Variants in BCAP29 observed in about 807,000 individuals in gnomAD.
The protein encoded by BCAP29 is B-cell receptor-associated protein 29.
Under a neutral mutation model 31.8 loss-of-function variants are expected in BCAP29, and 34 were observed. That is an observed-to-expected ratio of 1.07 (90% CI 0.81 to 1.42). The LOEUF (loss-of-function observed/expected upper bound fraction) is 1.42. BCAP29 is among the 40% of genes most tolerant of loss of function. The probability of loss-of-function intolerance (pLI) is 0.00; values close to 1 mark genes in which losing one functional copy is unlikely to be tolerated. For missense variants in BCAP29, 314 were observed against 269.2 expected (o/e 1.17, Z -1.16); for synonymous variants, 104 against 91.3 (o/e 1.14, Z -0.79).
chr7:107,614,835 C>T (rs1813827122), intron 7 of BCAP29, among the ~76,000 whole-genome samples: 1 of 152,220 alleles, frequency 6.6e-6, no homozygotes, highest in Non-Finnish European at 1.5e-5. Context: ...ACCACCCCTT[C>T]CCCGTCTCAA....
intron 6 of BCAP29, among the ~76,000 whole-genome samples, chr7:107,601,346 G>A (rs1811143582): frequency 6.6e-6 from 1 of 152,064 alleles, no homozygotes; most frequent in Non-Finnish European, 1.5e-5. Flanking sequence ...TTCAATCAGG[G>A]TGTATTTGAA....
intron 3 of BCAP29, among the ~76,000 whole-genome samples, chr7:107,591,657 C>CACACACA (rs1554475285): frequency 4.3e-5 from 3 of 69,710 alleles, no homozygotes; most frequent in Admixed American, 1.8e-4. Context: ...CACACACACA[C>CACACACA]CCTATTGGTT....
intron 7 of BCAP29, 144 bp from the exon 8 acceptor site, chr7:107,618,184 T>C (rs543210684): frequency 1.3e-4 from 72 of 573,476 alleles, no homozygotes; most frequent in Non-Finnish European, 1.6e-4. Context: ...TTTTTAAATT[T>C]TAGACTTTCT....
At chr7:107,589,890 G>A (rs907286546) in intron 3 of BCAP29, among the ~76,000 whole-genome samples, 8 of 152,156 alleles carry the variant, frequency 5.3e-5, no homozygotes, top group Non-Finnish European at 1.0e-4. Flanking sequence ...CTGGCCTCAA[G>A]TGATCCTTCC....
chr7:107,610,305 G>A (rs759940237), intron 6 of BCAP29, among the ~76,000 whole-genome samples: 8 of 152,110 alleles, frequency 5.3e-5, no homozygotes, highest in Admixed American at 2.0e-4. Context: ...ATAGCAGCCC[G>A]TTTTTGCAGT....
rs202114958 is a variant in BCAP29 at position 107,595,922 on chromosome 7, A to G, written c.400A>G (p.Lys134Glu). The G allele has an allele frequency of 2.5e-6, 4 of 1,601,404 alleles. No homozygotes were observed. The highest frequency in any genetic ancestry group is 2.3e-5 in the South Asian group (2 of 88,268). ...TCAACTGGCAAAAGAACTGTCAAACAAAGGTGTACTTAAAACTCAAGCAGA... is the reference window on the plus strand; with the variant it reads ...TCAACTGGCAAAAGAACTGTCAAACGAAGGTGTACTTAAAACTCAAGCAGA... Reference protein sequence around the residue: ...ITQLAKELSNKGVLKTQAENT... With the variant: ...ITQLAKELSNEGVLKTQAENT... Residue 134 changes from lysine (K) to glutamate (E), a missense_variant, in exon 5 of 8, where the codon AAA (lysine) becomes GAA (glutamate). Coordinates refer to ENST00000005259, the MANE Select transcript of BCAP29 (RefSeq NM_018844.4).
chr7:107,607,635 C>CTTTTTTTTT (rs57817003), intron 6 of BCAP29, among the ~76,000 whole-genome samples: 3 of 132,640 alleles, frequency 2.3e-5, no homozygotes, highest in Non-Finnish European at 3.3e-5. Context: ...CTTTCTTTTT[C>CTTTTTTTTT]TTTTTTTTTT....
chr7:107,605,956 A>G (rs571617106), intron 6 of BCAP29, among the ~76,000 whole-genome samples: 1 of 152,368 alleles, frequency 6.6e-6, no homozygotes, highest in African/African-American at 2.4e-5. Context: ...ACTTTTTCCT[A>G]GAGTTTAAAT....
At chr7:107,582,589 C>T (rs1023120759) in intron 2 of BCAP29, among the ~76,000 whole-genome samples, 15 of 152,140 alleles carry the variant, frequency 9.9e-5, no homozygotes, top group African/African-American at 3.6e-4. Flanking sequence ...TGATCTGTTT[C>T]CCCATCTGTA....
At chr7:107,594,749 G>T (rs1389082114) in intron 4 of BCAP29, among the ~76,000 whole-genome samples, 1 of 152,068 alleles carries the variant, frequency 6.6e-6, no homozygotes, top group East Asian at 1.9e-4. Flanking sequence ...TGATCCTCCC[G>T]CCTCGGCCTC....
Position 107,583,993 on chromosome 7 carries a change from G to T in BCAP29, c.193+11G>T. ...TTGTTCTATTTCTAGGTAAGTACTA[G>T]ATCCCTTCTTTGAATAAATATAACT... On this transcript the variant is annotated intron_variant, in intron 3 of 7. Transcript: ENST00000005259. 1 of 1,389,186 alleles carries T rather than the reference G, an allele frequency of 7.2e-7. No homozygotes were observed. The highest frequency in any genetic ancestry group is 1.5e-5 in the African/African-American group (1 of 68,172). 86.1% of individuals were successfully genotyped at this position (1,389,186 alleles called of 1,614,324 possible).
At chr7:107,608,752 C>T (rs928056744) in intron 6 of BCAP29, among the ~76,000 whole-genome samples, 3 of 152,112 alleles carry the variant, frequency 2.0e-5, no homozygotes, top group Non-Finnish European at 2.9e-5. Flanking sequence ...TTTTGATTGA[C>T]GGTGTTTTTA....
At chr7:107,597,936 C>T (rs1040486155) in intron 5 of BCAP29, among the ~76,000 whole-genome samples, 1 of 152,026 alleles carries the variant, frequency 6.6e-6, no homozygotes, top group Non-Finnish European at 1.5e-5. Context: ...TTTCCAGCCA[C>T]GTAACTTAAC....
In BCAP29 at chr7:107,595,938, C is replaced by G. The variant is rs201575711; in HGVS notation, c.416C>G (p.Thr139Ser). 3 of 1,597,264 alleles carry G rather than the reference C, an allele frequency of 1.9e-6. No homozygotes were observed. The highest frequency in any genetic ancestry group is 2.7e-5 in the African/African-American group (2 of 73,892). Residue 139 changes from threonine to serine, a missense_variant, in exon 5 of 8, where the codon ACT becomes AGT. Physicochemically the swap from Thr to Ser is moderately conservative, Grantham distance 58. Coordinates refer to ENST00000005259, the MANE Select transcript of BCAP29 (RefSeq NM_018844.4). ...KELSNKGVLKTQAENTNKAAK... is the reference protein window; with the variant it reads ...KELSNKGVLKSQAENTNKAAK... ...CTGTCAAACAAAGGTGTACTTAAAA[C>G]TCAAGCAGAAAATACTAACAAGGCT...
At chr7:107,621,174 A>G (rs1030891870), downstream of BCAP29, 2 of 154,102 alleles carry the variant, frequency 1.3e-5, no homozygotes, top group South Asian at 2.0e-4. Context: ...ATGACAAACT[A>G]TTGTGCATTT....
downstream of BCAP29, chr7:107,620,501 T>C (rs141906379): frequency 6.6e-6 from 1 of 152,320 alleles, no homozygotes; most frequent in East Asian, 1.9e-4. Flanking sequence ...ATTAAATTAC[T>C]TTCCTTCCCA....
At chr7:107,584,925 T>G (rs1334937628) in intron 3 of BCAP29, among the ~76,000 whole-genome samples, 3 of 152,228 alleles carry the variant, frequency 2.0e-5, no homozygotes, top group Admixed American at 2.0e-4. Flanking sequence ...TTACATAATG[T>G]CTGTACTCGT....
intron 6 of BCAP29, among the ~76,000 whole-genome samples, chr7:107,611,444 T>C (rs1813112173): frequency 6.6e-6 from 1 of 151,928 alleles, no homozygotes; most frequent in East Asian, 1.9e-4. Context: ...AGCAAGATGT[T>C]GTCTCAAAAA....
At chr7:107,601,180 C>T (rs990170794) in intron 6 of BCAP29, among the ~76,000 whole-genome samples, 1 of 151,948 alleles carries the variant, frequency 6.6e-6, no homozygotes, top group Non-Finnish European at 1.5e-5. Context: ...AAGTAGATAA[C>T]CCAAATTCAG....
Sources: gnomAD v4.1 joint callset for allele counts (sites outside exome capture counted in the v4.1 genomes callset) on GRCh38, gnomAD v4.1.1 for gene constraint, MANE v1.5 for transcripts, NCBI Gene and HGNC (gene_info 2026-07-23, HGNC 2026-07-21) for gene names.